ARFIP1: variants seen among roughly 807,000 people sequenced by gnomAD.
ARFIP1 encodes the protein ARF interacting protein 1, also known as arfaptin-1.
A neutral mutation model predicts 42.5 loss-of-function variants in ARFIP1; 24 were observed. The ratio of observed to expected loss-of-function variants is 0.57; its 90% CI spans 0.41 to 0.80. The LOEUF (loss-of-function observed/expected upper bound fraction) is 0.80. Ranked by LOEUF, ARFIP1 falls within the 30% of genes least tolerant of loss-of-function variation. The probability of loss-of-function intolerance (pLI) is 0.00; values close to 1 mark genes in which losing one functional copy is unlikely to be tolerated. For synonymous variants in ARFIP1, 141 were observed against 153.7 expected, an observed-to-expected ratio of 0.92 and a Z score of 0.61; for missense variants, 354 against 434.0, an observed-to-expected ratio of 0.82 and a Z score of 1.64.
intron 6 of ARFIP1, 132 bp from the exon 7 acceptor site, chr4:152,882,591 A>T: frequency 2.1e-6 from 2 of 964,554 alleles, no homozygotes; most frequent in South Asian, 3.6e-5. Flanking sequence ...AAAGACGGAA[A>T]GGAAAAGTAA....
chr4:152,822,346 A>C, intron 1 of ARFIP1, among the ~76,000 whole-genome samples: 1 of 151,602 alleles, frequency 6.6e-6, no homozygotes, highest in South Asian at 2.1e-4. Context: ...AATAGTAAAA[A>C]GTTCAACAAG....
intron 8 of ARFIP1, among the ~76,000 whole-genome samples, chr4:152,894,300 G>A (rs911403494): frequency 6.6e-6 from 1 of 151,738 alleles, no homozygotes; most frequent in African/African-American, 2.4e-5. Context: ...GAGGGCAGAA[G>A]TATTCTTTGC....
chr4:152,891,396 G>T (rs56738224), intron 8 of ARFIP1, among the ~76,000 whole-genome samples: 57,744 of 151,972 alleles, frequency 0.38, 12,035 homozygotes, highest in Admixed American at 0.49. Flanking sequence ...AAGTATTGTC[G>T]GACTGTTCTT....
intron 3 of ARFIP1, among the ~76,000 whole-genome samples, chr4:152,869,261 A>T (rs1203620326): frequency 3.3e-5 from 5 of 152,180 alleles, no homozygotes; most frequent in Non-Finnish European, 7.4e-5. Flanking sequence ...TACTTAATGC[A>T]TGTATTTTTT....
intron 5 of ARFIP1, among the ~76,000 whole-genome samples, chr4:152,874,960 C>T (rs1159671905): frequency 2.6e-5 from 4 of 152,220 alleles, no homozygotes; most frequent in South Asian, 2.1e-4. Context: ...CCACCAAGCC[C>T]GGCCCCATTT....
At chr4:152,875,493 C>A (rs1735258412) in intron 5 of ARFIP1, among the ~76,000 whole-genome samples, 1 of 151,666 alleles carries the variant, frequency 6.6e-6, no homozygotes, top group Non-Finnish European at 1.5e-5. Context: ...AGCATTCACA[C>A]CCTTATCAAG....
chr4:152,823,451 G>A (rs986403232), intron 1 of ARFIP1, among the ~76,000 whole-genome samples: 3 of 152,130 alleles, frequency 2.0e-5, no homozygotes, highest in Admixed American at 2.0e-4. Flanking sequence ...ACAGCCAGAT[G>A]GAGACAGCTG....
intron 8 of ARFIP1, among the ~76,000 whole-genome samples, chr4:152,904,042 C>CT (rs1051492995): frequency 1.5e-4 from 23 of 150,566 alleles, no homozygotes; most frequent in East Asian, 5.8e-4. Context: ...AGTTAAAATT[C>CT]TTTTTTTTTA....
chr4:152,852,769 A>G (rs1041032342), intron 2 of ARFIP1, among the ~76,000 whole-genome samples: 1 of 152,208 alleles, frequency 6.6e-6, no homozygotes, highest in South Asian at 2.1e-4. Flanking sequence ...GTATTATCTC[A>G]CAAGTCATAA....
At chr4:152,810,773 G>A (rs1475206902) in intron 1 of ARFIP1, among the ~76,000 whole-genome samples, 8 of 152,052 alleles carry the variant, frequency 5.3e-5, no homozygotes, top group Admixed American at 2.6e-4. Context: ...CCAACATCAC[G>A]CCACCGCACT....
At chr4:152,804,063 T>TGTAATATATATTATATATAATATAAC (rs1207211561) in intron 1 of ARFIP1, among the ~76,000 whole-genome samples, 3 of 118,484 alleles carry the variant, frequency 2.5e-5, no homozygotes, top group South Asian at 4.8e-4. Flanking sequence ...TAATATAACA[T>TGTAATATATATTATATATAATATAAC]GTAATATATA....
intron 3 of ARFIP1, among the ~76,000 whole-genome samples, chr4:152,866,071 C>G (rs1420795617): frequency 6.6e-6 from 1 of 151,956 alleles, no homozygotes; most frequent in African/African-American, 2.4e-5. Context: ...GGTGATGACT[C>G]TTAACGAGCA....
intron 1 of ARFIP1, among the ~76,000 whole-genome samples, chr4:152,819,470 C>G (rs965111644): frequency 6.6e-6 from 1 of 152,178 alleles, no homozygotes; most frequent in African/African-American, 2.4e-5. Context: ...TGCTGGGAGA[C>G]TAGAGGACAG....
chr4:152,841,276 C>T lies in ARFIP1; in HGVS notation c.93+11550C>T, dbSNP rs1256652142. 5.3e-5 allele frequency among the ~76,000 whole-genome samples: 8 copies of T among 152,180 alleles called. No individual in the cohort carries two copies. In the South Asian group the frequency reaches 8.3e-4, roughly 16 times the overall value. On this transcript the variant is annotated intron_variant, in intron 2 of 8. Coordinates refer to ENST00000353617, the MANE Select transcript of ARFIP1 (RefSeq NM_001025595.3). ...GTCTCAATCTCCTGACCTCGTGATC[C>T]GCCCCCCTCAGCCTCCCAAAATGCT...
chr4:152,873,785 T>G (rs1210401375), intron 5 of ARFIP1, among the ~76,000 whole-genome samples: 1 of 152,224 alleles, frequency 6.6e-6, no homozygotes, highest in Non-Finnish European at 1.5e-5. Context: ...CGACCCTGCC[T>G]AACGTGGGTT....
chr4:152,785,757 G>A (rs748587833), intron 1 of ARFIP1, among the ~76,000 whole-genome samples: 4 of 152,216 alleles, frequency 2.6e-5, no homozygotes, highest in Non-Finnish European at 5.9e-5. Context: ...ATATGAGAAA[G>A]CTGTAAACCT....
At chr4:152,877,994 CTAAT>C (rs1364489636) in intron 5 of ARFIP1, among the ~76,000 whole-genome samples, 6 of 152,184 alleles carry the variant, frequency 3.9e-5, no homozygotes, top group African/African-American at 1.4e-4. Context: ...TGAAAATGGA[CTAAT>C]ACACTACTTA....
At chr4:152,783,853 G>A (rs965012029) in intron 1 of ARFIP1, among the ~76,000 whole-genome samples, 2 of 151,904 alleles carry the variant, frequency 1.3e-5, no homozygotes, top group African/African-American at 4.8e-5. Context: ...GTGTGTGTGT[G>A]TTAGAACACA....
At chr4:152,822,297 A>T (rs991539423) in intron 1 of ARFIP1, among the ~76,000 whole-genome samples, 1 of 74,468 alleles carries the variant, frequency 1.3e-5, no homozygotes, top group Admixed American at 1.2e-4. Flanking sequence ...CAACAGCAGT[A>T]AAAAAAAAAA....
Sources: gnomAD v4.1 joint callset for allele counts (sites outside exome capture counted in the v4.1 genomes callset) on GRCh38, gnomAD v4.1.1 for gene constraint, MANE v1.5 for transcripts, NCBI Gene and HGNC (gene_info 2026-07-23, HGNC 2026-07-21) for gene names.